The following WDR64 variants were observed in gnomAD, a reference collection of about 807,000 sequenced individuals.
WDR64 encodes the protein WD repeat-containing protein 64.
Under a neutral mutation model 139.3 loss-of-function variants are expected in WDR64, and 112 were observed. That is an observed-to-expected ratio of 0.80 (90% CI 0.69 to 0.94). The LOEUF (loss-of-function observed/expected upper bound fraction) is 0.94, where lower values mean the gene tolerates loss of function less well. Among genes scored for constraint, WDR64 ranks in the 40% least tolerant of loss-of-function variants. The pLI, the probability that WDR64 is intolerant of heterozygous loss-of-function variation, is 0.00. For missense variants in WDR64, 1,206 were observed against 1,293.1 expected, an observed-to-expected ratio of 0.93 and a Z score of 1.03; for synonymous variants, 444 against 437.7, an observed-to-expected ratio of 1.01 and a Z score of -0.18.
chr1:241,674,380 C>T (rs1403618403), intron 3 of WDR64, among the ~76,000 whole-genome samples: 1 of 150,932 alleles, frequency 6.6e-6, no homozygotes, highest in African/African-American at 2.4e-5. Context: ...CCTCAGCCTC[C>T]CGAGGAACTG....
chr1:241,652,345 T>A lies in WDR64; in HGVS notation c.-140T>A, dbSNP rs12562115. ...GCAACTCTTACTCCTACCCGCACTA[T>A]GGGATTTTAAGATCAAAGGAATTAG... On this transcript the variant is annotated 5_prime_UTR_variant, in exon 1 of 28. The change abolishes an upstream ATG in the 5' untranslated region. Coordinates refer to ENST00000437684, the MANE Select transcript of WDR64 (RefSeq NM_001367482.1). The A allele has an allele frequency of 1.6e-5, 13 of 830,928 alleles. No homozygotes were observed. The highest frequency in any genetic ancestry group is 2.4e-5 in the Non-Finnish European group (13 of 545,912). 51.5% of individuals were successfully genotyped at this position (830,928 alleles called of 1,614,324 possible).
chr1:241,694,656 A>C (rs1206958325), intron 8 of WDR64, among the ~76,000 whole-genome samples: 1 of 152,206 alleles, frequency 6.6e-6, no homozygotes, highest in Non-Finnish European at 1.5e-5. Flanking sequence ...ATGCAGATTG[A>C]TATGCCCTTG....
intron 23 of WDR64, among the ~76,000 whole-genome samples, chr1:241,787,345 CAG>C (rs1221684534): frequency 2.4e-5 from 3 of 126,498 alleles, no homozygotes; most frequent in Non-Finnish European, 4.7e-5. Context: ...GCCTGGGCGA[CAG>C]AGCGAGACTC....
chr1:241,723,471 T>A, intron 10 of WDR64, 35 bp downstream of exon 10: 1 of 1,604,712 alleles, frequency 6.2e-7, no homozygotes, highest in Non-Finnish European at 8.5e-7. Context: ...AAAACTAGTT[T>A]TTTCCGGAAA....
At chr1:241,770,080 T>A (rs377180473) in intron 17 of WDR64, among the ~76,000 whole-genome samples, 2 of 152,140 alleles carry the variant, frequency 1.3e-5, no homozygotes, top group Non-Finnish European at 2.9e-5. Context: ...TGGTTTGGGG[T>A]CACCCAGAGG....
chr1:241,683,685 T>G lies in WDR64; in HGVS notation c.823T>G (p.Ser275Ala), dbSNP rs141045147. 1 of 1,548,752 alleles carries G rather than the reference T, an allele frequency of 6.5e-7. No individual in the cohort carries two copies. Among genetic ancestry groups the G allele is most frequent in the Admixed American group, 2.0e-5 (1 of 50,642 alleles). Reference protein sequence around the residue: ...KRKLQNQVLDSKNFKSVKRKL... With the variant: ...KRKLQNQVLDAKNFKSVKRKL... ...AAAATTACAAAATCAGGTCTTAGAC[T>G]CAAAGAACTTTAAAAGGTAAGAGTA... The change falls in exon 7 of 28, where the codon TCA becomes GCA. Residue 275 changes from serine (S) to alanine (A), a missense_variant. Coordinates refer to ENST00000437684, the MANE Select transcript of WDR64 (RefSeq NM_001367482.1).
intron 10 of WDR64, among the ~76,000 whole-genome samples, chr1:241,726,017 T>C (rs982662861): frequency 1.3e-5 from 2 of 149,522 alleles, no homozygotes; most frequent in Admixed American, 1.4e-4. Context: ...ACGAAGCTAA[T>C]TATTTTTATT....
At chr1:241,665,755 A>G (rs1666003298) in intron 2 of WDR64, among the ~76,000 whole-genome samples, 2 of 152,202 alleles carry the variant, frequency 1.3e-5, no homozygotes, top group Admixed American at 6.5e-5. Context: ...TACTTTTCTT[A>G]CAATGTCATG....
chr1:241,744,509 G>A lies in WDR64; in HGVS notation c.1587G>A (p.Ala529=), dbSNP rs373292127. The change falls in exon 13 of 28, where the codon GCG becomes GCA. Residue 529 remains alanine (A), a synonymous_variant. Coordinates refer to ENST00000437684, the MANE Select transcript of WDR64 (RefSeq NM_001367482.1). ...DESGFLFATG[A]YNGTVRIWDF... is the part of the protein sequence containing the mutation. ...GTGGATTTCTTTTTGCCACAGGAGC[G>A]TATAATGGTCAGACTAACATCCAGA... 279 of 1,613,966 alleles carry A rather than the reference G, an allele frequency of 1.7e-4. 2 individuals carry two copies. Among genetic ancestry groups the A allele is most frequent in the South Asian group, 1.1e-3 (96 of 91,040 alleles).
chr1:241,707,678 G>A (rs1428112447), intron 8 of WDR64, among the ~76,000 whole-genome samples: 1 of 151,634 alleles, frequency 6.6e-6, no homozygotes, highest in Non-Finnish European at 1.5e-5. Context: ...GCGATAGGCT[G>A]TGCAGGCTGT....
chr1:241,801,848 TAA>T lies in WDR64; in HGVS notation c.*635_*636del. Reference sequence around the variant, plus strand: ...CATAGTAACATGGTAGATTTAACCTTAAATATATCAATAATTATGAAACCTTT... The same window carrying T: ...CATAGTAACATGGTAGATTTAACCTTATATATCAATAATTATGAAACCTTT... On this transcript the variant is annotated 3_prime_UTR_variant, in exon 28 of 28. Transcript: ENST00000437684. 1 of 398,208 alleles carries T rather than the reference TAA, an allele frequency of 2.5e-6. No homozygotes were observed. 24.7% of individuals were successfully genotyped at this position (398,208 alleles called of 1,614,324 possible). A position where few individuals can be genotyped will look rare whatever the true frequency, so the allele number is the denominator to read the frequency against.
intron 5 of WDR64, 134 bp from the exon 6 acceptor site, chr1:241,679,351 G>A (rs1436525732): frequency 2.9e-6 from 2 of 687,870 alleles, no homozygotes; most frequent in African/African-American, 1.8e-5. Context: ...ACTCAGACAG[G>A]ATGTACTGCA....
chr1:241,735,395 T>C (rs1669259356), intron 10 of WDR64, among the ~76,000 whole-genome samples: 1 of 152,180 alleles, frequency 6.6e-6, no homozygotes, highest in African/African-American at 2.4e-5. Context: ...TTAAAGTTTT[T>C]ATGGCTTATG....
intron 10 of WDR64, among the ~76,000 whole-genome samples, chr1:241,728,245 A>T (rs1668925787): frequency 6.6e-6 from 1 of 152,118 alleles, no homozygotes; most frequent in Non-Finnish European, 1.5e-5. Flanking sequence ...AGGCAGGAGA[A>T]TCGCTTGAAC....
intron 9 of WDR64, among the ~76,000 whole-genome samples, chr1:241,715,461 C>A (rs757990479): frequency 9.2e-5 from 14 of 152,080 alleles, no homozygotes; most frequent in Non-Finnish European, 1.9e-4. Context: ...AAGGAGGATG[C>A]AAGAGATGAG....
At chr1:241,699,613 G>A (rs1667631543) in intron 8 of WDR64, among the ~76,000 whole-genome samples, 2 of 152,140 alleles carry the variant, frequency 1.3e-5, no homozygotes, top group Non-Finnish European at 2.9e-5. Flanking sequence ...AAGGCTTCCT[G>A]AAGATGTCAC....
intron 10 of WDR64, 33 bp downstream of exon 10, chr1:241,723,469 T>G (rs761494500): frequency 1.9e-6 from 3 of 1,605,234 alleles, no homozygotes; most frequent in Non-Finnish European, 2.6e-6. Flanking sequence ...ACAAAACTAG[T>G]TTTTTCCGGA....
intron 16 of WDR64, among the ~76,000 whole-genome samples, chr1:241,768,696 A>G (rs1401321079): frequency 2.6e-5 from 4 of 152,110 alleles, no homozygotes; most frequent in African/African-American, 4.8e-5. Flanking sequence ...TGTAAGGTCT[A>G]TTTGCTATAA....
At chr1:241,662,203 G>A (rs769952707) in intron 2 of WDR64, among the ~76,000 whole-genome samples, 4 of 152,184 alleles carry the variant, frequency 2.6e-5, no homozygotes, top group Non-Finnish European at 4.4e-5. Context: ...ATTTAGCAAT[G>A]AGAAGAAATA....
Sources: gnomAD v4.1 joint callset for allele counts (sites outside exome capture counted in the v4.1 genomes callset) on GRCh38, gnomAD v4.1.1 for gene constraint, MANE v1.5 for transcripts, NCBI Gene and HGNC (gene_info 2026-07-23, HGNC 2026-07-21) for gene names.